Variants in TRAPPC9 observed in about 807,000 individuals in gnomAD.
The protein encoded by TRAPPC9 is IKK2 binding protein.
A neutral mutation model predicts 124.0 loss-of-function variants in TRAPPC9; 83 were observed. That is an observed-to-expected ratio of 0.67 (90% CI 0.56 to 0.80). TRAPPC9 has a LOEUF of 0.80. Among genes scored for constraint, TRAPPC9 ranks in the 30% least tolerant of loss-of-function variants. The pLI, the probability that TRAPPC9 is intolerant of heterozygous loss-of-function variation, is 0.00. For synonymous variants in TRAPPC9, 638 were observed against 617.5 expected, an observed-to-expected ratio of 1.03 and a Z score of -0.49; for missense variants, 1,302 against 1,508.3, an observed-to-expected ratio of 0.86 and a Z score of 2.27.
intron 21 of TRAPPC9, among the ~76,000 whole-genome samples, chr8:139,839,768 G>C (rs1826607712): frequency 6.6e-6 from 1 of 152,182 alleles, no homozygotes; most frequent in Non-Finnish European, 1.5e-5. Context: ...GAATGTTCCA[G>C]GGTGAGCAAA....
intron 21 of TRAPPC9, among the ~76,000 whole-genome samples, chr8:139,758,759 C>T (rs1820024614): frequency 6.6e-6 from 1 of 152,172 alleles, no homozygotes; most frequent in Non-Finnish European, 1.5e-5. Flanking sequence ...GAGGTAGTGG[C>T]AGAGAAAAGG....
In TRAPPC9 at chr8:139,862,799, G is replaced by A. The variant is rs1353020352; in HGVS notation, c.3055+23080C>T. ...GCCAGGGGCTCCCCAGGGTCACAGC[G>A]CCCTGGTCCGGCCCCACATGCACCA... On this transcript the variant is annotated intron_variant, in intron 21 of 22. Transcript: ENST00000438773. Among the ~76,000 whole-genome samples the A allele has an allele frequency of 5.9e-5, 9 of 152,332 alleles. No homozygotes were observed. In the East Asian group the frequency reaches 1.5e-3, roughly 26 times the overall value.
At chr8:140,226,591 CAAA>C (rs35750675) in intron 16 of TRAPPC9, among the ~76,000 whole-genome samples, 10 of 103,284 alleles carry the variant, frequency 9.7e-5, no homozygotes, top group Non-Finnish European at 9.4e-5. Flanking sequence ...GACTCGGTCT[CAAA>C]AAAAAAAAAA....
At chr8:140,330,548 G>A (rs573203258) in intron 9 of TRAPPC9, among the ~76,000 whole-genome samples, 1 of 152,220 alleles carries the variant, frequency 6.6e-6, no homozygotes, top group South Asian at 2.1e-4. Context: ...CCAAAAGACT[G>A]AATATTTTTC....
chr8:140,166,048 G>A (rs151181128), intron 17 of TRAPPC9, among the ~76,000 whole-genome samples: 1,651 of 152,286 alleles, frequency 0.011, 31 homozygotes, highest in African/African-American at 0.037. Context: ...TGCATGCACC[G>A]CAGCACACTC....
At chr8:139,893,318 T>C (rs1399707309) in intron 20 of TRAPPC9, among the ~76,000 whole-genome samples, 3 of 152,200 alleles carry the variant, frequency 2.0e-5, no homozygotes, top group Non-Finnish European at 4.4e-5. Context: ...TGCCCAGCTC[T>C]TCCTGGAATG....
chr8:140,404,736 GCA>G (rs2069413284), intron 6 of TRAPPC9, among the ~76,000 whole-genome samples: 3 of 152,080 alleles, frequency 2.0e-5, no homozygotes, highest in Admixed American at 6.6e-5. Context: ...ATGCATGTGT[GCA>G]CGCGTGAGCA....
intron 19 of TRAPPC9, among the ~76,000 whole-genome samples, chr8:139,983,282 C>A (rs930597424): frequency 6.6e-6 from 1 of 152,166 alleles, no homozygotes; most frequent in African/African-American, 2.4e-5. Context: ...TGATCTTGAA[C>A]CTGCAGTCTC....
intron 18 of TRAPPC9, among the ~76,000 whole-genome samples, chr8:140,021,685 T>C (rs1037298836): frequency 1.3e-5 from 2 of 152,206 alleles, no homozygotes; most frequent in Non-Finnish European, 2.9e-5. Flanking sequence ...ACCTGAAACT[T>C]TGGAAGTGTC....
intron 17 of TRAPPC9, among the ~76,000 whole-genome samples, chr8:140,208,944 C>CTA (rs1370717823): frequency 6.6e-6 from 1 of 152,206 alleles, no homozygotes; most frequent in Non-Finnish European, 1.5e-5. Flanking sequence ...AACTGCAGGA[C>CTA]TAGAGTATGT....
intron 18 of TRAPPC9, among the ~76,000 whole-genome samples, chr8:140,014,534 C>A (rs768152108): frequency 4.6e-5 from 7 of 152,148 alleles, no homozygotes; most frequent in Non-Finnish European, 7.4e-5. Context: ...ATTCTCTTAT[C>A]GCCCTGGTGA....
intron 21 of TRAPPC9, among the ~76,000 whole-genome samples, chr8:139,778,829 A>T (rs554939907): frequency 5.3e-5 from 8 of 152,320 alleles, no homozygotes; most frequent in Non-Finnish European, 1.2e-4. Flanking sequence ...GAAGGAGAAG[A>T]GAGTGGAGGG....
rs548778486 is a variant in TRAPPC9 at position 139,776,676 on chromosome 8, G to A, written c.3056-44474C>T. 5.9e-5 allele frequency among the ~76,000 whole-genome samples: 9 copies of A among 151,598 alleles called. No homozygotes were observed. The highest frequency in any genetic ancestry group is 5.9e-4 in the East Asian group (3 of 5,092). On this transcript the variant is annotated intron_variant, in intron 21 of 22. Coordinates refer to ENST00000438773, the MANE Select transcript of TRAPPC9 (RefSeq NM_001160372.4). This position sits in a 1 kb window ranked among gnomAD's most constrained non-coding sequence, Gnocchi z 4.1. ...CACGTGTGTGTCTGTGTGTGTGTGC[G>A]CACACACACACAGAAAGGCACATGT...
intron 17 of TRAPPC9, among the ~76,000 whole-genome samples, chr8:140,116,774 A>G (rs72497396): frequency 6.6e-6 from 1 of 152,280 alleles, no homozygotes; most frequent in East Asian, 1.9e-4. Context: ...GTCCAAAGGT[A>G]CCGTAGAGGT....
intron 5 of TRAPPC9, among the ~76,000 whole-genome samples, chr8:140,418,407 C>A (rs1235921651): frequency 1.3e-5 from 2 of 152,164 alleles, no homozygotes; most frequent in African/African-American, 2.4e-5. Flanking sequence ...AAGAAAACTA[C>A]AGATCCACAT....
intron 17 of TRAPPC9, among the ~76,000 whole-genome samples, chr8:140,084,186 A>G (rs1844035028): frequency 6.6e-6 from 1 of 152,220 alleles, no homozygotes; most frequent in Non-Finnish European, 1.5e-5. Flanking sequence ...GAGGCTGGGC[A>G]GTGGAACCAT....
intron 17 of TRAPPC9, among the ~76,000 whole-genome samples, chr8:140,131,210 T>A (rs1247955396): frequency 1.3e-5 from 2 of 152,158 alleles, no homozygotes; most frequent in African/African-American, 4.8e-5. Context: ...CACGTCAGGT[T>A]TTGTTCTTTA....
At chr8:140,367,603 A>G (rs10106044) in intron 8 of TRAPPC9, among the ~76,000 whole-genome samples, 26,651 of 152,110 alleles carry the variant, frequency 0.18, 2,545 homozygotes, top group Middle Eastern at 0.36. Flanking sequence ...ACAGAGCACA[A>G]AGGATCTTCA....
intron 17 of TRAPPC9, among the ~76,000 whole-genome samples, chr8:140,036,779 T>A (rs536502782): frequency 6.6e-6 from 1 of 152,312 alleles, no homozygotes; most frequent in African/African-American, 2.4e-5. Context: ...TGCCTGGGGT[T>A]CCTTGGAAGC....
Sources: allele counts gnomAD v4.1 joint callset (sites outside exome capture counted in the v4.1 genomes callset), GRCh38; gene constraint gnomAD v4.1.1; non-coding constraint Gnocchi (gnomAD v3.1); transcripts MANE v1.5; gene names NCBI Gene and HGNC (gene_info 2026-07-23, HGNC 2026-07-21).